RIMS1: variants seen among roughly 807,000 people sequenced by gnomAD.
RIMS1 encodes regulating synaptic membrane exocytosis protein 1.
Under a neutral mutation model 214.1 loss-of-function variants are expected in RIMS1, and 83 were observed. The observed-to-expected ratio is 0.39, with a 90% CI of 0.32 to 0.47. The LOEUF (loss-of-function observed/expected upper bound fraction) is 0.47, where lower values mean the gene tolerates loss of function less well. RIMS1 is among the 20% of genes least tolerant of loss of function. The probability of loss-of-function intolerance (pLI) is 0.99; values close to 1 mark genes in which losing one functional copy is unlikely to be tolerated. For missense variants in RIMS1, 2,050 were observed against 2,161.8 expected, an observed-to-expected ratio of 0.95 and a Z score of 1.03; for synonymous variants, 793 against 786.8, an observed-to-expected ratio of 1.01 and a Z score of -0.13.
intron 2 of RIMS1, among the ~76,000 whole-genome samples, chr6:71,970,795 C>T (rs978983131): frequency 3.9e-5 from 6 of 152,200 alleles, no homozygotes; most frequent in African/African-American, 1.4e-4. Context: ...AGTTTGCTTT[C>T]ATTCCTTATG....
intron 6 of RIMS1, among the ~76,000 whole-genome samples, chr6:72,199,621 T>C (rs756016448): frequency 1.3e-5 from 2 of 152,070 alleles, no homozygotes; most frequent in African/African-American, 2.4e-5. Context: ...GGCAGGAATA[T>C]GAATAGTCTT....
intron 29 of RIMS1, among the ~76,000 whole-genome samples, chr6:72,349,062 A>G (rs1355765698): frequency 6.6e-6 from 1 of 151,966 alleles, no homozygotes; most frequent in African/African-American, 2.4e-5. Flanking sequence ...AAGCTAGTGA[A>G]TTCTTACTTG....
chr6:72,300,069 AT>A lies in RIMS1; in HGVS notation c.3851-7186del, dbSNP rs2094469797. ...ATTTAGAGCTCCATTAGGAAAAGTAATTTATCCATCTCTTTTTTTGGCACAA... is the reference window on the plus strand; with the variant it reads ...ATTTAGAGCTCCATTAGGAAAAGTAATTATCCATCTCTTTTTTTGGCACAA... On this transcript the variant is annotated intron_variant, in intron 26 of 33. Coordinates refer to ENST00000521978, the MANE Select transcript of RIMS1 (RefSeq NM_014989.7). Among the ~76,000 whole-genome samples, 2 of 151,806 alleles carry A rather than the reference AT, an allele frequency of 1.3e-5. 1 individual carries two copies. Among genetic ancestry groups the A allele is most frequent in the South Asian group, 4.1e-4 (2 of 4,834 alleles).
chr6:72,028,874 T>C (rs1479722435), intron 2 of RIMS1, among the ~76,000 whole-genome samples: 1 of 152,214 alleles, frequency 6.6e-6, no homozygotes, highest in Non-Finnish European at 1.5e-5. Context: ...GTGCTCATCT[T>C]TCCTTTATAT....
chr6:72,218,719 A>C (rs1303054410), intron 6 of RIMS1, among the ~76,000 whole-genome samples: 1 of 152,222 alleles, frequency 6.6e-6, no homozygotes, highest in Non-Finnish European at 1.5e-5. Context: ...AGGCTGAGGC[A>C]ATGATGGTTC....
At chr6:72,309,468 G>A (rs1237838568) in intron 27 of RIMS1, among the ~76,000 whole-genome samples, 1 of 152,086 alleles carries the variant, frequency 6.6e-6, no homozygotes, top group Non-Finnish European at 1.5e-5. Flanking sequence ...ATGGATTTGG[G>A]ACTTAGGGTA....
At chr6:72,224,955 T>C (rs2059737731) in intron 6 of RIMS1, among the ~76,000 whole-genome samples, 1 of 152,220 alleles carries the variant, frequency 6.6e-6, no homozygotes, top group Non-Finnish European at 1.5e-5. Flanking sequence ...TCAACAACAA[T>C]GCGAAGGCAT....
At chr6:72,229,954 T>G (rs1461178922) in intron 6 of RIMS1, among the ~76,000 whole-genome samples, 1 of 151,854 alleles carries the variant, frequency 6.6e-6, no homozygotes, top group Admixed American at 6.6e-5. Context: ...TGGCTTTTTG[T>G]GTATGCAGTG....
chr6:72,078,164 G>A (rs1528506), intron 2 of RIMS1, among the ~76,000 whole-genome samples: 69,202 of 151,992 alleles, frequency 0.46, 16,340 homozygotes, highest in East Asian at 0.67. Flanking sequence ...ATTTGGTGAT[G>A]TTTGGATTAT....
intron 26 of RIMS1, among the ~76,000 whole-genome samples, chr6:72,304,183 T>G (rs1056630694): frequency 2.0e-5 from 3 of 151,844 alleles, no homozygotes; most frequent in Admixed American, 1.3e-4. Context: ...ATGATTTAGT[T>G]AGTTTACAAT....
intron 4 of RIMS1, among the ~76,000 whole-genome samples, chr6:72,105,687 C>T (rs946278653): frequency 3.3e-5 from 5 of 151,980 alleles, no homozygotes; most frequent in South Asian, 4.1e-4. Context: ...CATATGTATA[C>T]GTATAGTATA....
Position 71,973,240 on chromosome 6 carries a change from G to C in RIMS1, c.245+4177G>C, listed in dbSNP as rs556432269. ...TGGATTTTAAAGACTGAATAGTTTA[G>C]TAGGTATGTAAATTTAGGTACCATC... On this transcript the variant is annotated intron_variant, in intron 2 of 33. Transcript: ENST00000521978. 9.2e-5 allele frequency among the ~76,000 whole-genome samples: 14 copies of C among 152,286 alleles called. No homozygotes were observed. In the East Asian group the frequency reaches 1.9e-3, roughly 21 times the overall value.
At chr6:72,346,009 A>G (rs1326185770) in intron 29 of RIMS1, among the ~76,000 whole-genome samples, 1 of 151,836 alleles carries the variant, frequency 6.6e-6, no homozygotes, top group Non-Finnish European at 1.5e-5. Flanking sequence ...AGTATAAAAT[A>G]CAAGTAAAGA....
chr6:72,008,776 A>G (rs996895087), intron 2 of RIMS1, among the ~76,000 whole-genome samples: 2 of 152,236 alleles, frequency 1.3e-5, no homozygotes, highest in Non-Finnish European at 2.9e-5. Context: ...AGAGCTAACT[A>G]TCCTAAATAT....
At chr6:71,935,930 A>G (rs1784297649) in intron 1 of RIMS1, among the ~76,000 whole-genome samples, 1 of 152,226 alleles carries the variant, frequency 6.6e-6, no homozygotes, top group African/African-American at 2.4e-5. Context: ...TGAAAAATTA[A>G]TCATGGCTGT....
chr6:72,230,702 A>G (rs890166549), intron 6 of RIMS1, among the ~76,000 whole-genome samples: 5 of 151,616 alleles, frequency 3.3e-5, no homozygotes, highest in African/African-American at 1.2e-4. Flanking sequence ...CTCTTTAGAG[A>G]AAATGTATGT....
At chr6:72,085,068 A>AT (rs927692971) in intron 2 of RIMS1, among the ~76,000 whole-genome samples, 16 of 151,770 alleles carry the variant, frequency 1.1e-4, no homozygotes, top group South Asian at 4.2e-4. Flanking sequence ...GATTGTACTA[A>AT]TTTTTTTTTA....
At chr6:71,888,129 G>GTGC (rs1246703108) in intron 1 of RIMS1, among the ~76,000 whole-genome samples, 1 of 152,214 alleles carries the variant, frequency 6.6e-6, no homozygotes, top group African/African-American at 2.4e-5. Flanking sequence ...GTGTGACACT[G>GTGC]TGCTGCTGCT....
chr6:72,277,493 A>T (rs1160626827), intron 23 of RIMS1, among the ~76,000 whole-genome samples: 1 of 152,054 alleles, frequency 6.6e-6, no homozygotes, highest in Non-Finnish European at 1.5e-5. Context: ...CAGGCAGGAG[A>T]ATGGCGTGAA....
Sources: gnomAD v4.1 joint callset for allele counts (sites outside exome capture counted in the v4.1 genomes callset) on GRCh38, gnomAD v4.1.1 for gene constraint, MANE v1.5 for transcripts, NCBI Gene and HGNC (gene_info 2026-07-23, HGNC 2026-07-21) for gene names.